The following CACNA2D4 variants were observed in gnomAD, a reference collection of about 807,000 sequenced individuals.
CACNA2D4 encodes voltage-dependent calcium channel subunit alpha-2/delta-4.
A neutral mutation model predicts 163.8 loss-of-function variants in CACNA2D4; 157 were observed. The observed-to-expected ratio is 0.96, with a 90% CI of 0.84 to 1.09. The LOEUF (loss-of-function observed/expected upper bound fraction) is 1.09, where lower values mean the gene tolerates loss of function less well. Among genes scored for constraint, CACNA2D4 ranks in the 50% least tolerant of loss-of-function variants. The pLI, the probability that CACNA2D4 is intolerant of heterozygous loss-of-function variation, is 0.00. For missense variants in CACNA2D4, 1,410 were observed against 1,479.9 expected (o/e 0.95, Z 0.78); for synonymous variants, 598 against 586.9 (o/e 1.02, Z -0.27).
rs1865109172 is a variant in CACNA2D4 at position 1,844,878 on chromosome 12, T to C, written c.2343-349A>G. ...TCTGAGGGAGGAAGCTGTAGTCAGC[T>C]CTATCACTGCACTAATAGGAGGGCA... is the stretch of plus-strand genomic sequence containing the variant. On this transcript the variant is annotated intron_variant, in intron 24 of 37. Transcript: ENST00000382722. This position sits in a 1 kb window ranked among gnomAD's most constrained non-coding sequence, Gnocchi z 4.2. Among the ~76,000 whole-genome samples, 2 of 152,210 alleles carry C rather than the reference T, an allele frequency of 1.3e-5. No homozygotes were observed. The highest frequency in any genetic ancestry group is 6.5e-5 in the Admixed American group (1 of 15,280).
In CACNA2D4 at chr12:1,802,947, A is replaced by C. The variant is rs1406209710; in HGVS notation, c.2722-1303T>G. ...GTCTTACTCATCTCTGAATTCCCCA[A>C]AGTGTCTTGGTACCTGGACATACTC... is the stretch of plus-strand genomic sequence containing the variant. On this transcript the variant is annotated intron_variant, in intron 29 of 37. Coordinates refer to ENST00000382722, the MANE Select transcript of CACNA2D4 (RefSeq NM_172364.5). The surrounding 1 kb of genome is among the most constrained non-coding windows in gnomAD (Gnocchi z 4.7). Among the ~76,000 whole-genome samples the C allele has an allele frequency of 6.6e-6, 1 of 152,182 alleles. No homozygotes were observed. The highest frequency in any genetic ancestry group is 1.5e-5 in the Non-Finnish European group (1 of 68,032).
rs1324263360 is a variant in CACNA2D4, at chr12:1,820,611, C to G, written c.2552-8888G>C. On this transcript the variant is annotated intron_variant, in intron 26 of 37. Coordinates refer to ENST00000382722, the MANE Select transcript of CACNA2D4 (RefSeq NM_172364.5). The surrounding 1 kb of genome is among the most constrained non-coding windows in gnomAD (Gnocchi z 6.0). Reference sequence around the variant, plus strand: ...TTTGTGACTGACCCAGCAGCCCCGTCCCCCGTCTGCCACAAGCAGTCCACC... The same window carrying G: ...TTTGTGACTGACCCAGCAGCCCCGTGCCCCGTCTGCCACAAGCAGTCCACC... The G allele has an allele frequency of 6.6e-6, 1 of 152,490 alleles. No individual in the cohort carries two copies. The highest frequency in any genetic ancestry group is 1.5e-5 in the Non-Finnish European group (1 of 68,214). The allele number at this position is 152,490 out of a possible 1,614,324, so 9.4% of individuals were successfully genotyped here.
chr12:1,865,378 G>A (rs1203856370), intron 18 of CACNA2D4, among the ~76,000 whole-genome samples: 1 of 152,224 alleles, frequency 6.6e-6, no homozygotes, highest in African/African-American at 2.4e-5. Flanking sequence ...CAAAACTCAT[G>A]AGCTGGACGC....
At chr12:1,863,889 T>C (rs1410848853) in intron 18 of CACNA2D4, among the ~76,000 whole-genome samples, 3 of 70,434 alleles carry the variant, frequency 4.3e-5, no homozygotes, top group African/African-American at 5.8e-5. Flanking sequence ...AGACTGAAAA[T>C]CACTTTACAA....
chr12:1,799,970 G>A lies in CACNA2D4; in HGVS notation c.2974+30C>T, dbSNP rs1565669938. On this transcript the variant is annotated intron_variant, in intron 33 of 37. Transcript: ENST00000382722. The surrounding 1 kb of genome is among the most constrained non-coding windows in gnomAD (Gnocchi z 4.7). ...TGGACCAAAATGCCACTGCTCTTCAGCACATGGCCCTGCAGCTCCGTGCAC... is the reference window on the plus strand; with the variant it reads ...TGGACCAAAATGCCACTGCTCTTCAACACATGGCCCTGCAGCTCCGTGCAC... The A allele has an allele frequency of 6.3e-7, 1 of 1,592,042 alleles. No homozygotes were observed.
At chr12:1,826,841 C>T (rs528426526) in intron 26 of CACNA2D4, among the ~76,000 whole-genome samples, 27 of 152,294 alleles carry the variant, frequency 1.8e-4, no homozygotes, top group East Asian at 5.8e-4. Context: ...CCCTAATGCC[C>T]GAGGGGAAAC....
rs897123838 is a variant in CACNA2D4 at position 1,793,366 on chromosome 12, G to T, written c.*289C>A. ...TTGTCTTGGTCCAAGCTGAGCTCACGCTGGCTTCCCGAAGAGGAGACAGGA... is the reference window on the plus strand; with the variant it reads ...TTGTCTTGGTCCAAGCTGAGCTCACTCTGGCTTCCCGAAGAGGAGACAGGA... On this transcript the variant is annotated 3_prime_UTR_variant, in exon 38 of 38. Transcript: ENST00000382722. 2 of 500,460 alleles carry T rather than the reference G, an allele frequency of 4.0e-6. No individual in the cohort carries two copies. The highest frequency in any genetic ancestry group is 7.2e-6 in the Non-Finnish European group (2 of 276,292). 31.0% of individuals were successfully genotyped at this position (500,460 alleles called of 1,614,324 possible).
chr12:1,812,902 G>A (rs1019496802), intron 26 of CACNA2D4, among the ~76,000 whole-genome samples: 9 of 152,190 alleles, frequency 5.9e-5, no homozygotes, highest in Admixed American at 2.0e-4. Flanking sequence ...CGCTGTGTCC[G>A]TCACAGTCAT....
At chr12:1,885,226 T>A in intron 9 of CACNA2D4, 150 bp from the exon 10 acceptor site, 2 of 706,188 alleles carry the variant, frequency 2.8e-6, no homozygotes, top group Middle Eastern at 3.7e-4. Context: ...CATGGACTGG[T>A]CCTCTACAAT....
chr12:1,843,341 A>G lies in CACNA2D4; in HGVS notation c.2470+1061T>C, dbSNP rs1417427230. On this transcript the variant is annotated intron_variant, in intron 25 of 37. Transcript: ENST00000382722. The surrounding 1 kb of genome is among the most constrained non-coding windows in gnomAD (Gnocchi z 4.6). ...CATTTTTCCATCACGACGCTTGAGGATGGTTTGGCAAAGTGGTGGTGGAAG... is the reference window on the plus strand; with the variant it reads ...CATTTTTCCATCACGACGCTTGAGGGTGGTTTGGCAAAGTGGTGGTGGAAG... Among the ~76,000 whole-genome samples, 1 of 152,046 alleles carries G rather than the reference A, an allele frequency of 6.6e-6. No individual in the cohort carries two copies. Among genetic ancestry groups the G allele is most frequent in the Non-Finnish European group, 1.5e-5 (1 of 67,984 alleles).
intron 26 of CACNA2D4, among the ~76,000 whole-genome samples, chr12:1,818,842 C>A (rs1161586664): frequency 8.4e-5 from 12 of 142,526 alleles, no homozygotes; most frequent in Non-Finnish European, 1.4e-4. Context: ...CCCAGGGACA[C>A]AAACACTGCG....
rs1001568085 is a variant in CACNA2D4, at chr12:1,869,745, A to G, written c.1878+4859T>C. ...CTACGATAAAATCCTACATTCTATC[A>G]CTCCCAGGGGCTCTGTTCTTTGACC... On this transcript the variant is annotated intron_variant, in intron 18 of 37. Coordinates refer to ENST00000382722, the MANE Select transcript of CACNA2D4 (RefSeq NM_172364.5). This position sits in a 1 kb window ranked among gnomAD's most constrained non-coding sequence, Gnocchi z 4.7. Among the ~76,000 whole-genome samples, 1 of 152,106 alleles carries G rather than the reference A, an allele frequency of 6.6e-6. No individual in the cohort carries two copies. The highest frequency in any genetic ancestry group is 1.5e-5 in the Non-Finnish European group (1 of 68,026).
chr12:1,870,759 G>A (rs1200032546), intron 18 of CACNA2D4, among the ~76,000 whole-genome samples: 1 of 152,044 alleles, frequency 6.6e-6, no homozygotes, highest in Non-Finnish European at 1.5e-5. Flanking sequence ...GGTGTGGGGG[G>A]TTGGGAGGGG....
chr12:1,803,759 CA>C (rs1863417868), intron 29 of CACNA2D4, among the ~76,000 whole-genome samples: 1 of 152,212 alleles, frequency 6.6e-6, no homozygotes, highest in Non-Finnish European at 1.5e-5. Flanking sequence ...AGGCACTCAC[CA>C]GGTGAGTCTG....
At chr12:1,805,364 A>G (rs1429612729) in intron 29 of CACNA2D4, among the ~76,000 whole-genome samples, 9 of 152,072 alleles carry the variant, frequency 5.9e-5, no homozygotes, top group Non-Finnish European at 1.0e-4. Context: ...GCCCAGAGAG[A>G]AGGGGTGCTC....
Position 1,854,008 on chromosome 12 carries a change from G to C in CACNA2D4, c.2189C>G (p.Ala730Gly), listed in dbSNP as rs181994120. The C allele has an allele frequency of 6.2e-7, 1 of 1,612,804 alleles. No homozygotes were observed. The highest frequency in any genetic ancestry group is 1.7e-4 in the Middle Eastern group (1 of 6,058). Residue 730 changes from alanine to glycine, a missense_variant, in exon 23 of 38, where the codon GCG becomes GGG. Physicochemically the swap from Ala to Gly is moderately conservative, Grantham distance 60. Coordinates refer to ENST00000382722, the MANE Select transcript of CACNA2D4 (RefSeq NM_172364.5). ...GGCTTCCATGGGGGCTGTCACCACC[G>C]CGTCAAACAGCACCTCCCGGACCAG... ...EELVREVLFDAVVTAPMEAYW... is the reference protein window; with the variant it reads ...EELVREVLFDGVVTAPMEAYW...
At position 1,844,485 on chromosome 12, in the gene CACNA2D4, T is replaced by G. The variant is rs765725070; in HGVS notation, c.2387A>C (p.Asp796Ala). The G allele has an allele frequency of 5.0e-6, 8 of 1,613,482 alleles. No homozygotes were observed. Among genetic ancestry groups the G allele is most frequent in the Non-Finnish European group, 5.9e-6 (7 of 1,179,772 alleles). Residue 796 changes from aspartate to alanine, a missense_variant, in exon 25 of 38, where the codon GAC becomes GCC. Asp to Ala is a moderately radical substitution (Grantham distance 126, BLOSUM62 -2). Transcript: ENST00000382722. The surrounding 1 kb of genome is among the most constrained non-coding windows in gnomAD (Gnocchi z 4.2). ...PEDEASVFTLDRFPLWYRQAS... is the reference protein window; with the variant it reads ...PEDEASVFTLARFPLWYRQAS... ...CTGGCGGTACCACAGCGGGAAGCGG[T>G]CCAGGGTGAACACGCTGGCCTCGTC...
chr12:1,865,950 G>C (rs758234616), intron 18 of CACNA2D4, among the ~76,000 whole-genome samples: 1 of 152,178 alleles, frequency 6.6e-6, no homozygotes, highest in Non-Finnish European at 1.5e-5. Flanking sequence ...CAATAATTTT[G>C]TCCCTGAATG....
intron 20 of CACNA2D4, among the ~76,000 whole-genome samples, chr12:1,858,082 C>T (rs1372434527): frequency 6.6e-6 from 1 of 152,166 alleles, no homozygotes; most frequent in Admixed American, 6.5e-5. Context: ...CACGGCCTTT[C>T]CAACACCTGA....
Sources: gnomAD v4.1 joint callset for allele counts (sites outside exome capture counted in the v4.1 genomes callset) on GRCh38, gnomAD v4.1.1 for gene constraint, Gnocchi (gnomAD v3.1) non-coding constraint, MANE v1.5 for transcripts, NCBI Gene and HGNC (gene_info 2026-07-23, HGNC 2026-07-21) for gene names.